The following SDK1 variants were observed in gnomAD, a reference collection of about 807,000 sequenced individuals.
SDK1 encodes sidekick cell adhesion molecule 1.
SDK1 carries 157 observed loss-of-function variants against 245.5 expected under a neutral mutation model. The ratio of observed to expected loss-of-function variants is 0.64; its 90% CI spans 0.56 to 0.73. The LOEUF (loss-of-function observed/expected upper bound fraction) is 0.73. Among genes scored for constraint, SDK1 ranks in the 30% least tolerant of loss-of-function variants. The pLI, the probability that SDK1 is intolerant of heterozygous loss-of-function variation, is 0.00. For synonymous variants in SDK1, 1,647 were observed against 1,278.5 expected, an observed-to-expected ratio of 1.29 and a Z score of -6.15; for missense variants, 3,583 against 3,002.3, an observed-to-expected ratio of 1.19 and a Z score of -4.52.
chr7:3,536,615 A>C (rs1302375361), intron 1 of SDK1, among the ~76,000 whole-genome samples: 1 of 151,986 alleles, frequency 6.6e-6, no homozygotes, highest in African/African-American at 2.4e-5. Flanking sequence ...AATTGCTCGA[A>C]CGTGGGAGAT....
intron 4 of SDK1, among the ~76,000 whole-genome samples, chr7:3,696,120 T>C (rs1784566289): frequency 6.6e-6 from 1 of 152,188 alleles, no homozygotes; most frequent in South Asian, 2.1e-4. Context: ...GTCTCCTGGC[T>C]GATTTCCTCT....
chr7:3,908,072 A>G (rs1254183068), intron 5 of SDK1, among the ~76,000 whole-genome samples: 1 of 152,076 alleles, frequency 6.6e-6, no homozygotes, highest in Non-Finnish European at 1.5e-5. Flanking sequence ...CTTAGCTTTC[A>G]TTATTTAACA....
rs117022514 is a variant in SDK1, at chr7:4,264,340, C to G, written c.6382-784C>G. Among the ~76,000 whole-genome samples, 226 of 144,428 alleles carry G rather than the reference C, an allele frequency of 1.6e-3. 12 individuals are homozygous for G. Among genetic ancestry groups the G allele is most frequent in the South Asian group, 0.014 (52 of 3,716 alleles). 94.8% of individuals were successfully genotyped at this position (144,428 alleles called of 152,430 possible). A position where few individuals can be genotyped will look rare whatever the true frequency, so the allele number is the denominator to read the frequency against. On this transcript the variant is annotated intron_variant, in intron 44 of 44. Transcript: ENST00000404826. ...TGAGTGAGGGAGGCCGCGTAGATCT[C>G]TCCTGAGTGAGGAGGCCGTGTAGAT... is the stretch of plus-strand genomic sequence containing the variant.
At chr7:4,164,315 G>C (rs929829605) in intron 32 of SDK1, among the ~76,000 whole-genome samples, 1 of 152,184 alleles carries the variant, frequency 6.6e-6, no homozygotes, top group Non-Finnish European at 1.5e-5. Flanking sequence ...AGGCCCCTCT[G>C]ACTCCAGGTT....
chr7:3,713,913 G>A (rs78626043), intron 4 of SDK1, among the ~76,000 whole-genome samples: 3,175 of 152,260 alleles, frequency 0.021, 42 homozygotes, highest in Non-Finnish European at 0.027. Flanking sequence ...GCTTTCCACT[G>A]CCAAAATGAA....
At chr7:4,177,285 T>C (rs664337) in intron 34 of SDK1, among the ~76,000 whole-genome samples, 96,717 of 152,064 alleles carry the variant, frequency 0.64, 31,239 homozygotes, top group East Asian at 0.73. Flanking sequence ...AGCACACAGG[T>C]GCCAGGCACA....
chr7:3,570,691 G>A (rs951314335), intron 1 of SDK1, among the ~76,000 whole-genome samples: 12 of 152,242 alleles, frequency 7.9e-5, no homozygotes, highest in African/African-American at 2.2e-4. Flanking sequence ...GCAGTGGCCC[G>A]GCCATATCCT....
At chr7:3,887,908 T>C (rs1032660570) in intron 5 of SDK1, among the ~76,000 whole-genome samples, 2 of 152,222 alleles carry the variant, frequency 1.3e-5, no homozygotes, top group African/African-American at 2.4e-5. Context: ...GTATTGGGTT[T>C]TCTGCAAATT....
intron 5 of SDK1, among the ~76,000 whole-genome samples, chr7:3,884,013 CT>C (rs1331579972): frequency 6.6e-6 from 1 of 151,968 alleles, no homozygotes; most frequent in Non-Finnish European, 1.5e-5. Context: ...ATATTTAAAA[CT>C]TTACACAATG....
At chr7:4,201,775 A>G (rs1783899173) in intron 35 of SDK1, among the ~76,000 whole-genome samples, 1 of 152,022 alleles carries the variant, frequency 6.6e-6, no homozygotes, top group African/African-American at 2.4e-5. Context: ...GGCTTTGGCA[A>G]CAACAGATTA....
At position 3,615,681 on chromosome 7, in the gene SDK1, C is replaced by T. The variant is rs778991191; in HGVS notation, c.299-3399C>T. Among the ~76,000 whole-genome samples, 6 of 151,160 alleles carry T rather than the reference C, an allele frequency of 4.0e-5. 1 individual carries two copies. The highest frequency in any genetic ancestry group is 5.9e-5 in the Non-Finnish European group (4 of 67,654). On this transcript the variant is annotated intron_variant, in intron 1 of 44. Transcript: ENST00000404826. The stretch of plus-strand genomic sequence containing the variant: ...ACATAAGAATCCTTCTTGACATCTC[C>T]CTCTCCCTCACATCCATAACCAATC...
chr7:3,736,141 C>A (rs904205950), intron 4 of SDK1, among the ~76,000 whole-genome samples: 1 of 152,110 alleles, frequency 6.6e-6, no homozygotes, highest in African/African-American at 2.4e-5. Context: ...CCGTAGGTTG[C>A]ATTTTGACCC....
intron 1 of SDK1, among the ~76,000 whole-genome samples, chr7:3,561,106 G>T (rs551094776): frequency 6.6e-6 from 1 of 152,166 alleles, no homozygotes; most frequent in South Asian, 2.1e-4. Context: ...TGCAATGCTA[G>T]ATTGCAAGCT....
At chr7:3,454,423 T>TGTGTGTGCGC (rs1554273965) in intron 1 of SDK1, among the ~76,000 whole-genome samples, 2,740 of 150,054 alleles carry the variant, frequency 0.018, 29 homozygotes, top group Non-Finnish European at 0.029. Context: ...TGTGTGTGTG[T>TGTGTGTGCGC]GCTGTGTACA....
In SDK1 at chr7:4,238,013, A is replaced by G. The variant is rs571096733; in HGVS notation, c.6130+229A>G. 3.5e-3 allele frequency among the ~76,000 whole-genome samples: 525 copies of G among 151,968 alleles called. 4 individuals are homozygous for G. Among genetic ancestry groups the G allele is most frequent in the African/African-American group, 0.012 (501 of 41,422 alleles). On this transcript the variant is annotated intron_variant, in intron 42 of 44. Coordinates refer to ENST00000404826, the MANE Select transcript of SDK1 (RefSeq NM_152744.4). Reference sequence around the variant, plus strand: ...GACCCTGCCTGCCCTCAGATTAACTATGTGTCTTGGATAAGGGCGTATGAG... The same window carrying G: ...GACCCTGCCTGCCCTCAGATTAACTGTGTGTCTTGGATAAGGGCGTATGAG...
In SDK1 at chr7:3,950,525, T is replaced by C. The variant is rs556343760; in HGVS notation, c.848-398T>C. Reference sequence around the variant, plus strand: ...TTATGTTATCATTGTTCTGTTTCATTATTAGTTGTAGTCAGTCTCTTAGTG... The same window carrying C: ...TTATGTTATCATTGTTCTGTTTCATCATTAGTTGTAGTCAGTCTCTTAGTG... On this transcript the variant is annotated intron_variant, in intron 5 of 44. Coordinates refer to ENST00000404826, the MANE Select transcript of SDK1 (RefSeq NM_152744.4). 7.2e-5 allele frequency among the ~76,000 whole-genome samples: 11 copies of C among 152,334 alleles called. No individual in the cohort carries two copies. In the South Asian group the frequency reaches 2.3e-3, roughly 32 times the overall value.
chr7:4,072,994 T>A (rs1780357353), intron 20 of SDK1, among the ~76,000 whole-genome samples: 1 of 152,242 alleles, frequency 6.6e-6, no homozygotes, highest in African/African-American at 2.4e-5. Context: ...AGGGCCAGGA[T>A]GCAGACAGAC....
intron 1 of SDK1, among the ~76,000 whole-genome samples, chr7:3,368,858 T>G (rs1163823829): frequency 6.6e-6 from 1 of 152,164 alleles, no homozygotes; most frequent in Non-Finnish European, 1.5e-5. Flanking sequence ...ATTTGATTGG[T>G]ATTAAATAAT....
chr7:4,215,654 G>A (rs529252018), intron 38 of SDK1, among the ~76,000 whole-genome samples: 4 of 152,324 alleles, frequency 2.6e-5, no homozygotes, highest in East Asian at 3.9e-4. Flanking sequence ...CCCGCGGTAC[G>A]GGAGCTGGTT....
Sources: gnomAD v4.1 joint callset for allele counts (sites outside exome capture counted in the v4.1 genomes callset) on GRCh38, gnomAD v4.1.1 for gene constraint, MANE v1.5 for transcripts, NCBI Gene and HGNC (gene_info 2026-07-23, HGNC 2026-07-21) for gene names.